Variants in AIG1 observed in about 807,000 individuals in gnomAD.
AIG1 encodes the protein androgen induced 1.
A neutral mutation model predicts 31.4 loss-of-function variants in AIG1; 23 were observed. The ratio of observed to expected loss-of-function variants is 0.73; its 90% CI spans 0.53 to 1.04. The LOEUF (loss-of-function observed/expected upper bound fraction) is 1.04. Among genes scored for constraint, AIG1 ranks in the 50% least tolerant of loss-of-function variants. The pLI, the probability that AIG1 is intolerant of heterozygous loss-of-function variation, is 0.00. For synonymous variants in AIG1, 100 were observed against 110.5 expected, an observed-to-expected ratio of 0.90 and a Z score of 0.60; for missense variants, 274 against 295.0, an observed-to-expected ratio of 0.93 and a Z score of 0.52.
At chr6:143,238,422 T>A (rs1793975925) in intron 3 of AIG1, among the ~76,000 whole-genome samples, 1 of 152,220 alleles carries the variant, frequency 6.6e-6, no homozygotes. Flanking sequence ...CATTTGTTTT[T>A]GTTTTAGTTT....
At chr6:143,273,487 A>G (rs1353983917) in intron 3 of AIG1, among the ~76,000 whole-genome samples, 6 of 151,838 alleles carry the variant, frequency 4.0e-5, no homozygotes. Context: ...TGTGTCCCCC[A>G]TTGCTCTCTC....
At chr6:143,197,568 C>T (rs527958001) in intron 3 of AIG1, among the ~76,000 whole-genome samples, 18 of 152,278 alleles carry the variant, frequency 1.2e-4, no homozygotes, top group Middle Eastern at 3.4e-3. Context: ...TTCAGCATCC[C>T]CTGCAGTTGG....
chr6:143,206,130 C>T (rs867045949), intron 3 of AIG1, among the ~76,000 whole-genome samples: 4 of 152,156 alleles, frequency 2.6e-5, no homozygotes, highest in Admixed American at 6.5e-5. Context: ...AAAAGGTCAG[C>T]GAAGGCTGAC....
intron 2 of AIG1, among the ~76,000 whole-genome samples, chr6:143,152,047 T>C (rs1319163205): frequency 1.3e-5 from 2 of 152,218 alleles, no homozygotes; most frequent in Non-Finnish European, 2.9e-5. Context: ...TAACATATCT[T>C]TCTTGGGTAG....
intron 4 of AIG1, among the ~76,000 whole-genome samples, chr6:143,304,129 A>G (rs972367451): frequency 2.0e-5 from 3 of 151,920 alleles, no homozygotes; most frequent in African/African-American, 7.3e-5. Flanking sequence ...TTTTGGGCTG[A>G]GACAATGGGG....
chr6:143,341,947 C>T (rs1171362175), downstream of AIG1, among the ~76,000 whole-genome samples: 2 of 152,104 alleles, frequency 1.3e-5, no homozygotes, highest in African/African-American at 2.4e-5. Context: ...GTTTTTGAAA[C>T]GGAGTTTTGC....
At chr6:143,342,182 C>T (rs1777869881), downstream of AIG1, 1 of 603,964 alleles carries the variant, frequency 1.7e-6, no homozygotes, top group Non-Finnish European at 3.0e-6. Context: ...CTTGGCCTCT[C>T]AAAGTACTGG....
intron 3 of AIG1, among the ~76,000 whole-genome samples, chr6:143,229,296 A>G (rs1793253225): frequency 6.6e-6 from 1 of 152,190 alleles, no homozygotes; most frequent in Admixed American, 6.5e-5. Context: ...GTGTAATTGT[A>G]TTCCACTTTT....
intron 4 of AIG1, among the ~76,000 whole-genome samples, chr6:143,313,184 TC>T (rs1775451986): frequency 6.6e-6 from 1 of 152,002 alleles, no homozygotes; most frequent in Non-Finnish European, 1.5e-5. Flanking sequence ...TACCATATGA[TC>T]CAGGAATCCC....
At chr6:143,184,837 G>C (rs898005315) in intron 3 of AIG1, among the ~76,000 whole-genome samples, 1 of 152,096 alleles carries the variant, frequency 6.6e-6, no homozygotes, top group Non-Finnish European at 1.5e-5. Flanking sequence ...TTCTTTATCC[G>C]GGTCTTGTGG....
intron 2 of AIG1, among the ~76,000 whole-genome samples, chr6:143,158,745 A>G (rs1188480507): frequency 6.6e-6 from 1 of 152,224 alleles, no homozygotes; most frequent in African/African-American, 2.4e-5. Flanking sequence ...CAGAAGGACA[A>G]AAATCCACAG....
intron 1 of AIG1, among the ~76,000 whole-genome samples, chr6:143,100,364 T>G (rs1014746643): frequency 2.0e-5 from 3 of 152,218 alleles, no homozygotes; most frequent in African/African-American, 2.4e-5. Flanking sequence ...AATATTCTTT[T>G]GATTTCACGA....
intron 4 of AIG1, among the ~76,000 whole-genome samples, chr6:143,316,434 A>G (rs1775744472): frequency 6.6e-6 from 1 of 152,100 alleles, no homozygotes; most frequent in South Asian, 2.1e-4. Context: ...AATCCCTTCT[A>G]GCTTGTAAGG....
rs1327862937 is a variant in AIG1, at chr6:143,256,427, T to G, written c.400-27683T>G. The stretch of plus-strand genomic sequence containing the variant: ...GTTTCTGGGGCTACAACTTTTACTG[T>G]ACATTATGCTACTGACTTCTTAAAC... On this transcript the variant is annotated intron_variant, in intron 3 of 5. Coordinates refer to ENST00000357847, the MANE Select transcript of AIG1 (RefSeq NM_016108.4). This position sits in a 1 kb window ranked among gnomAD's most constrained non-coding sequence, Gnocchi z 4.6. 3.3e-5 allele frequency among the ~76,000 whole-genome samples: 5 copies of G among 152,252 alleles called. No homozygotes were observed. In the East Asian group the frequency reaches 9.6e-4, roughly 29 times the overall value.
rs1462341626 is a variant in AIG1 at position 143,189,434 on chromosome 6, A to T, written c.399+24251A>T. ...TTTTAAGAATAGTAAAGTATTTGCA[A>T]AATAGTTTTTTAATACAGTAATTTA... On this transcript the variant is annotated intron_variant, in intron 3 of 5. Transcript: ENST00000357847. 4.1e-6 allele frequency: 4 copies of T among 982,456 alleles called. No homozygotes were observed. In the Admixed American group the frequency reaches 2.5e-4, roughly 60 times the overall value. 60.9% of individuals were successfully genotyped at this position (982,456 alleles called of 1,614,324 possible).
At chr6:143,207,832 G>A (rs17072305) in intron 3 of AIG1, among the ~76,000 whole-genome samples, 2,216 of 152,212 alleles carry the variant, frequency 0.015, 62 homozygotes, top group African/African-American at 0.051. Flanking sequence ...ATTTTGCCAA[G>A]CATAAAACAT....
chr6:143,295,764 A>C (rs531119067), intron 4 of AIG1, among the ~76,000 whole-genome samples: 4 of 152,266 alleles, frequency 2.6e-5, no homozygotes, highest in Admixed American at 6.5e-5. Flanking sequence ...GATTTAAAAA[A>C]TAGTTGAAGT....
Position 143,338,117 on chromosome 6 carries a change from A to G in AIG1, c.680-1522A>G, listed in dbSNP as rs1777645223. On this transcript the variant is annotated intron_variant, in intron 5 of 5. Coordinates refer to ENST00000357847, the MANE Select transcript of AIG1 (RefSeq NM_016108.4). The surrounding 1 kb of genome is among the most constrained non-coding windows in gnomAD (Gnocchi z 4.3). ...CAGGAGAACGCTTTGGAAAAAACAG[A>G]CTTTAAAAAGAAAAGCAAACTGCTC... is the stretch of plus-strand genomic sequence containing the variant. The G allele has an allele frequency of 2.5e-6, 1 of 398,430 alleles. No individual in the cohort carries two copies. Among genetic ancestry groups the G allele is most frequent in the Non-Finnish European group, 4.4e-6 (1 of 226,008 alleles). The allele number at this position is 398,430 out of a possible 1,614,324, so 24.7% of individuals were successfully genotyped here. A position where few individuals can be genotyped will look rare whatever the true frequency, so the allele number is the denominator to read the frequency against.
intron 3 of AIG1, among the ~76,000 whole-genome samples, chr6:143,240,776 T>C (rs767670509): frequency 1.3e-5 from 2 of 152,236 alleles, no homozygotes; most frequent in Admixed American, 6.5e-5. Context: ...ACATTTTTTA[T>C]TGGATTCAAT....
Sources: gnomAD v4.1 joint callset for allele counts (sites outside exome capture counted in the v4.1 genomes callset) on GRCh38, gnomAD v4.1.1 for gene constraint, Gnocchi (gnomAD v3.1) non-coding constraint, MANE v1.5 for transcripts, NCBI Gene and HGNC (gene_info 2026-07-23, HGNC 2026-07-21) for gene names.